ADGRL2: variants seen among roughly 807,000 people sequenced by gnomAD.
ADGRL2 encodes the protein calcium-independent alpha-latrotoxin receptor 2.
In ADGRL2, 44 loss-of-function variants were observed where a neutral mutation model predicts 157.4. The observed-to-expected ratio is 0.28, with a 90% confidence interval of 0.22 to 0.36. ADGRL2 has a LOEUF of 0.36. Ranked by LOEUF, ADGRL2 falls within the 10% of genes least tolerant of loss-of-function variation. The probability of loss-of-function intolerance (pLI) is 1.00; values close to 1 mark genes in which losing one functional copy is unlikely to be tolerated. For missense variants in ADGRL2, 1,510 were observed against 1,768.9 expected, an observed-to-expected ratio of 0.85 and a Z score of 2.63; for synonymous variants, 585 against 624.7, an observed-to-expected ratio of 0.94 and a Z score of 0.95.
chr1:81,752,957 T>G (rs1039425019), intron 1 of ADGRL2, among the ~76,000 whole-genome samples: 4 of 152,198 alleles, frequency 2.6e-5, no homozygotes, highest in Non-Finnish European at 2.9e-5. Flanking sequence ...AATACAACTA[T>G]TTTAAAAGAG....
chr1:81,474,145 GT>G (rs1280559722), intron 2 of ADGRL2, among the ~76,000 whole-genome samples: 16 of 152,210 alleles, frequency 1.1e-4, no homozygotes, highest in Non-Finnish European at 2.4e-4. Flanking sequence ...TGAAATGAAC[GT>G]TTGAGTTTGG....
intron 2 of ADGRL2, among the ~76,000 whole-genome samples, chr1:81,504,573 AC>A (rs201040113): frequency 0.035 from 5,371 of 152,174 alleles, 136 homozygotes; most frequent in Non-Finnish European, 0.053. Context: ...GTGATTGGGT[AC>A]CCCGGCCCCT....
rs1040612877 is a variant in ADGRL2 at position 81,559,738 on chromosome 1, C to T, written c.-247-21138C>T. ...AGTGCAGGTGTTATGTTTTTCATCTCTAGGGAGTAATGTTTGATTATATTT... is the reference window on the plus strand; with the variant it reads ...AGTGCAGGTGTTATGTTTTTCATCTTTAGGGAGTAATGTTTGATTATATTT... On this transcript the variant is annotated intron_variant, in intron 2 of 24. Coordinates refer to the ADGRL2 transcript ENST00000370721. Among the ~76,000 whole-genome samples, 3 of 152,224 alleles carry T rather than the reference C, an allele frequency of 2.0e-5. No homozygotes were observed. In the East Asian group the frequency reaches 5.8e-4, roughly 29 times the overall value.
At chr1:81,679,287 G>A (rs2083059765) in intron 3 of ADGRL2, among the ~76,000 whole-genome samples, 2 of 151,990 alleles carry the variant, frequency 1.3e-5, no homozygotes, top group African/African-American at 2.4e-5. Context: ...CAACATGAGA[G>A]ATCCACTGGT....
intron 1 of ADGRL2, among the ~76,000 whole-genome samples, chr1:81,709,415 G>A (rs1470833235): frequency 6.6e-6 from 1 of 152,100 alleles, no homozygotes; most frequent in Non-Finnish European, 1.5e-5. Context: ...CTAAAAAAAT[G>A]TACCATGGAT....
Position 81,520,801 on chromosome 1 carries a change from C to G in ADGRL2, c.-247-60075C>G, listed in dbSNP as rs536919170. On this transcript the variant is annotated intron_variant, in intron 2 of 24. Coordinates refer to the ADGRL2 transcript ENST00000370721. The stretch of plus-strand genomic sequence containing the variant: ...CAAGGTGAAAACTGACTAATACAGT[C>G]TCTCTCATAAAAAGTCTATGACAGG... Among the ~76,000 whole-genome samples, 3 of 152,244 alleles carry G rather than the reference C, an allele frequency of 2.0e-5. No homozygotes were observed. The South Asian group carries it at 6.2e-4, about 32-fold the overall frequency.
At chr1:81,407,413 T>C (rs1464827190) in intron 1 of ADGRL2, among the ~76,000 whole-genome samples, 2 of 152,200 alleles carry the variant, frequency 1.3e-5, no homozygotes, top group Non-Finnish European at 2.9e-5. Flanking sequence ...CCCAATTCCA[T>C]CCTGAAAGAG....
chr1:81,644,557 A>C (rs2082278226), intron 3 of ADGRL2, among the ~76,000 whole-genome samples: 1 of 152,232 alleles, frequency 6.6e-6, no homozygotes, highest in Non-Finnish European at 1.5e-5. Flanking sequence ...AATGGGCCAA[A>C]GACCTTAACA....
At chr1:81,782,217 C>T (rs1349389134) in intron 2 of ADGRL2, among the ~76,000 whole-genome samples, 2 of 152,218 alleles carry the variant, frequency 1.3e-5, no homozygotes, top group Non-Finnish European at 2.9e-5. Flanking sequence ...AATGTCCTCA[C>T]AGTATCTGAT....
At chr1:81,888,927 T>C (rs2094195653) in intron 2 of ADGRL2, among the ~76,000 whole-genome samples, 1 of 152,170 alleles carries the variant, frequency 6.6e-6, no homozygotes, top group Non-Finnish European at 1.5e-5. Flanking sequence ...CAGTGATCTT[T>C]GATATTATTA....
intron 2 of ADGRL2, chr1:81,557,284 A>C: frequency 5.1e-6 from 1 of 195,736 alleles, no homozygotes; most frequent in South Asian, 1.2e-4. Context: ...ACTTCTTTCC[A>C]CTGTAACTCA....
At chr1:81,754,655 T>G in intron 1 of ADGRL2, among the ~76,000 whole-genome samples, 1 of 146,824 alleles carries the variant, frequency 6.8e-6, no homozygotes, top group African/African-American at 2.5e-5. Flanking sequence ...CTTTCCTTCC[T>G]TCCTCCCTCC....
At chr1:81,944,140 C>T (rs2148966792) in intron 6 of ADGRL2, among the ~76,000 whole-genome samples, 1 of 152,032 alleles carries the variant, frequency 6.6e-6, no homozygotes, top group South Asian at 2.1e-4. Context: ...TTAAAGGAAA[C>T]GTGTGTTAGG....
intron 2 of ADGRL2, among the ~76,000 whole-genome samples, chr1:81,546,353 G>T (rs2080018533): frequency 6.6e-6 from 1 of 152,102 alleles, no homozygotes; most frequent in Non-Finnish European, 1.5e-5. Context: ...TTTAGCATTG[G>T]CTCAATACTT....
intron 3 of ADGRL2, among the ~76,000 whole-genome samples, chr1:81,653,216 G>A (rs2082457322): frequency 1.3e-5 from 2 of 151,624 alleles, no homozygotes; most frequent in Non-Finnish European, 2.9e-5. Context: ...ATCTTGAAGA[G>A]TCCTCCTCCA....
intron 1 of ADGRL2, among the ~76,000 whole-genome samples, chr1:81,418,509 T>G (rs1455077968): frequency 1.3e-5 from 2 of 152,186 alleles, no homozygotes; most frequent in African/African-American, 4.8e-5. Context: ...CCCAGCACTT[T>G]GGGAGGCCGA....
At position 81,969,248 on chromosome 1, in the gene ADGRL2, G is replaced by C. The variant is rs369954151; in HGVS notation, c.2594G>C (p.Cys865Ser). Residue 865 changes from cysteine (C) to serine (S), a missense_variant, in exon 15 of 24, where the codon TGC (cysteine) becomes TCC (serine). Physicochemically the swap from Cys to Ser is moderately radical, Grantham distance 112. Around this residue, in one of 4 missense-constraint regions of ADGRL2, gnomAD observed 497 missense variants for 627.2 expected, o/e 0.79. Transcript: ENST00000686636. ...GTGGGAATTGTCATTTCCCTTGTTT[G>C]CCTGGCTATCTGCATCTTCACCTTC... ...TWVGIVISLV[C>S]LAICIFTFCF... 7 of 1,614,008 alleles carry C rather than the reference G, an allele frequency of 4.3e-6. No individual in the cohort carries two copies. Among genetic ancestry groups the C allele is most frequent in the South Asian group, 1.1e-5 (1 of 91,080 alleles).
intron 1 of ADGRL2, among the ~76,000 whole-genome samples, chr1:81,704,014 C>G (rs999770187): frequency 6.6e-6 from 1 of 152,190 alleles, no homozygotes; most frequent in South Asian, 2.1e-4. Context: ...TACCCCTTCC[C>G]CCTGCTCATC....
At chr1:81,696,126 T>C (rs1352833527), upstream of ADGRL2, among the ~76,000 whole-genome samples, 1 of 152,190 alleles carries the variant, frequency 6.6e-6, no homozygotes, top group Non-Finnish European at 1.5e-5. Flanking sequence ...TCATAAGTGA[T>C]ATATGTGTTG....
Sources: gnomAD v4.1 joint callset for allele counts (sites outside exome capture counted in the v4.1 genomes callset) on GRCh38, gnomAD v4.1.1 for gene constraint, gnomAD v4.1.1 regional missense constraint, MANE v1.5 for transcripts, NCBI Gene and HGNC (gene_info 2026-07-23, HGNC 2026-07-21) for gene names.